Variants in HYDIN observed in about 807,000 individuals in gnomAD.
HYDIN encodes axonemal central pair apparatus protein HYDIN.
HYDIN carries 132 observed loss-of-function variants against 403.9 expected under a neutral mutation model. The ratio of observed to expected loss-of-function variants is 0.33; its 90% CI spans 0.28 to 0.38. The LOEUF is 0.38. HYDIN is among the 10% of genes least tolerant of loss of function. HYDIN has a pLI of 1.00. For missense variants in HYDIN, 2,827 were observed against 5,009.5 expected, an observed-to-expected ratio of 0.56 and a Z score of 13.15; for synonymous variants, 1,202 against 1,891.7, an observed-to-expected ratio of 0.64 and a Z score of 9.46.
At chr16:70,820,109 C>A (rs1391862405) in intron 83 of HYDIN, among the ~76,000 whole-genome samples, 2 of 149,888 alleles carry the variant, frequency 1.3e-5, no homozygotes, top group African/African-American at 4.9e-5. Flanking sequence ...CTTGAGCCAC[C>A]GCGCCTGGCC....
In HYDIN at chr16:71,183,572, T is replaced by C. The variant is rs74027636; in HGVS notation, c.261+1293A>G. Among the ~76,000 whole-genome samples, 753 of 152,202 alleles carry C rather than the reference T, an allele frequency of 4.9e-3. 4 individuals are homozygous for C. The highest frequency in any genetic ancestry group is 0.017 in the African/African-American group (707 of 41,550). Reference sequence around the variant, plus strand: ...ATCAGGCTGGCTTCCGACTTCTACATACCATCATTTAAAGTCAGAAGGTCA... The same window carrying C: ...ATCAGGCTGGCTTCCGACTTCTACACACCATCATTTAAAGTCAGAAGGTCA... On this transcript the variant is annotated intron_variant, in intron 3 of 85. Transcript: ENST00000393567.
At chr16:71,177,742 T>C (rs1457108276) in intron 4 of HYDIN, among the ~76,000 whole-genome samples, 2 of 152,216 alleles carry the variant, frequency 1.3e-5, no homozygotes, top group Non-Finnish European at 2.9e-5. Flanking sequence ...AGATTTCCCA[T>C]CTCTCCAATG....
intron 24 of HYDIN, 80 bp downstream of exon 24, chr16:70,991,990 A>C (rs548494512): frequency 2.8e-5 from 45 of 1,598,626 alleles, no homozygotes; most frequent in Non-Finnish European, 3.7e-5. Flanking sequence ...TGAACCAATG[A>C]GGGATGAGTA....
chr16:71,194,282 G>A lies in HYDIN; in HGVS notation c.-23-7364C>T, dbSNP rs954126143. Among the ~76,000 whole-genome samples the A allele has an allele frequency of 6.6e-5, 10 of 152,188 alleles. No homozygotes were observed. The East Asian group carries it at 1.5e-3, about 24-fold the overall frequency. On this transcript the variant is annotated intron_variant, in intron 1 of 85. Coordinates refer to ENST00000393567, the MANE Select transcript of HYDIN (RefSeq NM_001270974.2). The stretch of plus-strand genomic sequence containing the variant: ...AAAAATTAGCTGGGCGTGGTGGCAC[G>A]GGCCTGTAATCCCAGCTACTCAGGG...
At chr16:71,156,938 T>C (rs1042221712) in intron 6 of HYDIN, among the ~76,000 whole-genome samples, 3 of 151,872 alleles carry the variant, frequency 2.0e-5, no homozygotes, top group African/African-American at 7.3e-5. Context: ...TTGCAGCCTC[T>C]TTTGTTAGTG....
chr16:70,944,015 C>T, intron 41 of HYDIN, 66 bp from the exon 42 acceptor site: 2 of 1,197,518 alleles, frequency 1.7e-6, no homozygotes, highest in Non-Finnish European at 1.2e-6. Context: ...CCTACACTTA[C>T]CAGCCACAGG....
chr16:71,157,701 G>C (rs919555892), intron 6 of HYDIN, among the ~76,000 whole-genome samples: 1 of 150,862 alleles, frequency 6.6e-6, no homozygotes, highest in African/African-American at 2.4e-5. Flanking sequence ...ATTTCATGAA[G>C]AGTCTAAACA....
At chr16:70,921,974 A>G (rs2077008481) in intron 45 of HYDIN, among the ~76,000 whole-genome samples, 2 of 152,206 alleles carry the variant, frequency 1.3e-5, no homozygotes, top group East Asian at 3.9e-4. Flanking sequence ...GGTAGGCTCC[A>G]TCGTTTTTTG....
chr16:71,166,923 G>A (rs2086251679), intron 5 of HYDIN, among the ~76,000 whole-genome samples: 1 of 151,962 alleles, frequency 6.6e-6, no homozygotes, highest in African/African-American at 2.4e-5. Flanking sequence ...AAAATTAGCT[G>A]GGCATGGTGG....
intron 83 of HYDIN, among the ~76,000 whole-genome samples, chr16:70,820,903 C>G (rs1467538017): frequency 6.6e-6 from 1 of 152,146 alleles, no homozygotes; most frequent in African/African-American, 2.4e-5. Context: ...TCTGCCTCAG[C>G]CTCCCAAAGT....
chr16:71,010,962 A>T lies in HYDIN; in HGVS notation c.3644+7167T>A, dbSNP rs576712881. Among the ~76,000 whole-genome samples, 11 of 152,348 alleles carry T rather than the reference A, an allele frequency of 7.2e-5. No individual in the cohort carries two copies. The South Asian group carries it at 2.3e-3, about 32-fold the overall frequency. On this transcript the variant is annotated intron_variant, in intron 23 of 85. Coordinates refer to ENST00000393567, the MANE Select transcript of HYDIN (RefSeq NM_001270974.2). ...CACAGGCCACAGCAAAGCTTGGCTA[A>T]AGCCTGGCTTTGGCCTTGATGAATG...
At chr16:70,902,819 A>ATTTTTT (rs1444020291) in intron 52 of HYDIN, among the ~76,000 whole-genome samples, 1 of 17,210 alleles carries the variant, frequency 5.8e-5, no homozygotes, top group African/African-American at 2.4e-4. Context: ...ATATATATAT[A>ATTTTTT]TATTTTTTTT....
intron 7 of HYDIN, among the ~76,000 whole-genome samples, chr16:71,145,257 A>ATTT (rs5817758): frequency 7.0e-6 from 1 of 142,704 alleles, no homozygotes; most frequent in Non-Finnish European, 1.5e-5. Context: ...TGAATGATTA[A>ATTT]TTTTTTTTTT....
At chr16:71,087,413 TA>T (rs2082963443) in intron 12 of HYDIN, among the ~76,000 whole-genome samples, 1 of 145,960 alleles carries the variant, frequency 6.9e-6, no homozygotes, top group Non-Finnish European at 1.5e-5. Flanking sequence ...CCTCTCCTTA[TA>T]AGGACACCAA....
rs1340649690 is a variant in HYDIN, at chr16:70,872,050, G to A, written c.11078C>T (p.Ala3693Val). ...ACTTTTATTTACCTGTGGGGAGAAAGCAATTGTAGCTGAAACAGGCCATTC... is the reference window on the plus strand; with the variant it reads ...ACTTTTATTTACCTGTGGGGAGAAAACAATTGTAGCTGAAACAGGCCATTC... Reference protein sequence around the residue: ...RFEWPVSATIAFSPQMGHLHP... With the variant: ...RFEWPVSATIVFSPQMGHLHP... Residue 3693 changes from alanine (A) to valine (V), a missense_variant, in exon 65 of 86, where the codon GCT (alanine) becomes GTT (valine). Ala to Val is a moderately conservative substitution (Grantham distance 64). Coordinates refer to ENST00000393567, the MANE Select transcript of HYDIN (RefSeq NM_001270974.2). The A allele has an allele frequency of 1.2e-6, 2 of 1,600,478 alleles. No homozygotes were observed. The highest frequency in any genetic ancestry group is 1.7e-4 in the Middle Eastern group (1 of 5,988).
intron 45 of HYDIN, chr16:70,933,644 G>A: frequency 6.5e-6 from 1 of 154,778 alleles, no homozygotes; most frequent in Middle Eastern, 5.2e-4. Context: ...CGGGTGTTGT[G>A]GAGACTGGAG....
intron 1 of HYDIN, among the ~76,000 whole-genome samples, chr16:71,218,897 T>C (rs1336875275): frequency 6.6e-6 from 1 of 152,214 alleles, no homozygotes; most frequent in African/African-American, 2.4e-5. Context: ...TATAATTAAT[T>C]ACCAGGCATA....
rs1378560169 is a variant in HYDIN, at chr16:71,105,196, GAAGA to G, written c.1327+10496_1327+10499del. Among the ~76,000 whole-genome samples, 9 of 152,086 alleles carry G rather than the reference GAAGA, an allele frequency of 5.9e-5. No homozygotes were observed. The South Asian group carries it at 1.5e-3, about 25-fold the overall frequency. ...AATACACTGAAGAGTAGATATAGCT[GAAGA>G]AAGAATTAGTCAACTAGAAGAAAGA... On this transcript the variant is annotated intron_variant, in intron 10 of 85. Transcript: ENST00000393567.
chr16:71,209,634 A>T (rs781081368), intron 1 of HYDIN, among the ~76,000 whole-genome samples: 3 of 152,046 alleles, frequency 2.0e-5, no homozygotes, highest in Admixed American at 6.6e-5. Context: ...TATCTAGAAA[A>T]CCCCACGGTC....
Sources: allele counts gnomAD v4.1 joint callset (sites outside exome capture counted in the v4.1 genomes callset), GRCh38; gene constraint gnomAD v4.1.1; transcripts MANE v1.5; gene names NCBI Gene and HGNC (gene_info 2026-07-23, HGNC 2026-07-21).